Variants in PLCH2 observed in about 807,000 individuals in gnomAD.
PLCH2 encodes the protein 1-phosphatidylinositol 4,5-bisphosphate phosphodiesterase eta-2.
PLCH2 carries 98 observed loss-of-function variants against 134.7 expected under a neutral mutation model. That is an observed-to-expected ratio of 0.73 (90% CI 0.62 to 0.86). The LOEUF (loss-of-function observed/expected upper bound fraction) is 0.86. Ranked by LOEUF, PLCH2 falls within the 40% of genes least tolerant of loss-of-function variation. PLCH2 has a pLI of 0.00. For missense variants in PLCH2, 1,994 were observed against 1,986.6 expected (o/e 1.00, Z -0.07); for synonymous variants, 974 against 827.5 (o/e 1.18, Z -3.04).
At chr1:2,458,905 T>C (rs2100578938) in intron 2 of PLCH2, among the ~76,000 whole-genome samples, 1 of 152,370 alleles carries the variant, frequency 6.6e-6, no homozygotes, top group East Asian at 1.9e-4. Flanking sequence ...CTGTGATGTG[T>C]GCTTGGCCGT....
intron 11 of PLCH2, chr1:2,493,467 A>C (rs1270497102): frequency 2.0e-5 from 3 of 152,276 alleles, no homozygotes; most frequent in Non-Finnish European, 4.4e-5. Flanking sequence ...TCTGAGAGCC[A>C]TGTGGACCTG....
At chr1:2,503,765 G>A (rs1394420378) in intron 21 of PLCH2, 157 bp from the exon 22 acceptor site, 3 of 615,776 alleles carry the variant, frequency 4.9e-6, no homozygotes, top group East Asian at 2.8e-5. Context: ...TGCCGCGCCC[G>A]GGGGATGCCT....
chr1:2,441,146 G>A (rs1304137868), intron 2 of PLCH2, among the ~76,000 whole-genome samples: 1 of 152,202 alleles, frequency 6.6e-6, no homozygotes, highest in Non-Finnish European at 1.5e-5. Context: ...GCAGTGAAAG[G>A]GGTGCTCAGG....
At position 2,481,138 on chromosome 1, in the gene PLCH2, C is replaced by T. The variant is rs532855652; in HGVS notation, c.645+826C>T. ...CATGCTCACAGCCTGACAGCTCCGCCGTGTCCAGCCCCTGCCAGCTCCTGC... is the reference window on the plus strand; with the variant it reads ...CATGCTCACAGCCTGACAGCTCCGCTGTGTCCAGCCCCTGCCAGCTCCTGC... On this transcript the variant is annotated intron_variant, in intron 4 of 21. Transcript: ENST00000378486. 1.4e-4 allele frequency among the ~76,000 whole-genome samples: 21 copies of T among 152,384 alleles called. 1 individual carries two copies. The highest frequency in any genetic ancestry group is 4.6e-4 in the African/African-American group (19 of 41,594).
Position 2,476,500 on chromosome 1 carries a change from C to A in PLCH2, c.-89C>A. The stretch of plus-strand genomic sequence containing the variant: ...AGAGAAGGCCCCACGGAGGTCCTGT[C>A]GCCAGCGCTGCCACTGCCTGACCTC... On this transcript the variant is annotated 5_prime_UTR_variant, in exon 1 of 22. Coordinates refer to ENST00000378486, the MANE Select transcript of PLCH2 (RefSeq NM_014638.4). 7.7e-7 allele frequency: 1 copy of A among 1,291,458 alleles called. No homozygotes were observed. Among genetic ancestry groups the A allele is most frequent in the Non-Finnish European group, 1.0e-6 (1 of 973,812 alleles). 80.0% of individuals were successfully genotyped at this position (1,291,458 alleles called of 1,614,324 possible).
chr1:2,453,938 G>A (rs2100564702), intron 2 of PLCH2, among the ~76,000 whole-genome samples: 1 of 152,232 alleles, frequency 6.6e-6, no homozygotes, highest in Admixed American at 6.5e-5. Context: ...GCAGGCCCCA[G>A]CCAGTGTGGG....
At chr1:2,472,049 C>G (rs1466330524), upstream of PLCH2, among the ~76,000 whole-genome samples, 3 of 152,150 alleles carry the variant, frequency 2.0e-5, no homozygotes, top group South Asian at 2.1e-4. Context: ...GTTCCCCTGC[C>G]CTTGCTGGGA....
In PLCH2 at chr1:2,444,095, G is replaced by A. The variant is rs1009391760; in HGVS notation, c.115+13466G>A. Among the ~76,000 whole-genome samples, 3 of 152,176 alleles carry A rather than the reference G, an allele frequency of 2.0e-5. No individual in the cohort carries two copies. The highest frequency in any genetic ancestry group is 4.4e-5 in the Non-Finnish European group (3 of 68,014). On this transcript the variant is annotated intron_variant, in intron 2 of 3. Coordinates refer to the PLCH2 transcript ENST00000609981. The surrounding 1 kb of genome is among the most constrained non-coding windows in gnomAD (Gnocchi z 4.6). ...CTGGGCTTCAGACTCGGGAGCGGAGGCTCGGATCGCGGTGGCACGGGCAGG... is the reference window on the plus strand; with the variant it reads ...CTGGGCTTCAGACTCGGGAGCGGAGACTCGGATCGCGGTGGCACGGGCAGG...
chr1:2,494,503 G>A (rs143674203), intron 11 of PLCH2: 11 of 379,012 alleles, frequency 2.9e-5, no homozygotes, highest in Middle Eastern at 8.1e-4. Flanking sequence ...GCACACAAAC[G>A]CAGTTATTAC....
intron 4 of PLCH2, among the ~76,000 whole-genome samples, chr1:2,480,757 C>A (rs1303003821): frequency 6.6e-6 from 1 of 152,250 alleles, no homozygotes; most frequent in Admixed American, 6.5e-5. Flanking sequence ...CCTCGCCCAA[C>A]CACCCTGATG....
intron 2 of PLCH2, among the ~76,000 whole-genome samples, chr1:2,431,630 G>A (rs1474741046): frequency 6.6e-6 from 1 of 152,136 alleles, no homozygotes; most frequent in African/African-American, 2.4e-5. Flanking sequence ...CTGGGGGCGG[G>A]AGGAGCCAGC....
intron 2 of PLCH2, among the ~76,000 whole-genome samples, chr1:2,433,170 C>G (rs956545500): frequency 6.6e-6 from 1 of 152,244 alleles, no homozygotes; most frequent in Non-Finnish European, 1.5e-5. Flanking sequence ...TCCTTCCACT[C>G]TTCCCCTTCC....
intron 4 of PLCH2, 87 bp from the exon 5 acceptor site, chr1:2,484,361 A>G: frequency 7.4e-7 from 1 of 1,344,040 alleles, no homozygotes; most frequent in Non-Finnish European, 1.0e-6. Flanking sequence ...GTTGGTCTTG[A>G]CTGGGGAGTG....
Position 2,487,717 on chromosome 1 carries a change from G to C in PLCH2, c.1234G>C (p.Glu412Gln), listed in dbSNP as rs775978425. The change falls in exon 8 of 22, where the codon GAG becomes CAG. Residue 412 changes from glutamate to glutamine, a missense_variant and splice_region_variant. Physicochemically the swap from Glu to Gln is conservative, Grantham distance 29. Coordinates refer to ENST00000378486, the MANE Select transcript of PLCH2 (RefSeq NM_014638.4). ...CAACAAATATGCCTTCATCAAGAAT[G>C]AGTGAGTGGCTGGGCCTAGCGGGGC... ...TINKYAFIKNEYPVILSIENH... is the reference protein window; with the variant it reads ...TINKYAFIKNQYPVILSIENH... 3.1e-6 allele frequency: 5 copies of C among 1,612,908 alleles called. No homozygotes were observed. Among genetic ancestry groups the C allele is most frequent in the Non-Finnish European group, 4.2e-6 (5 of 1,179,668 alleles).
At chr1:2,449,767 G>T (rs932419854) in intron 2 of PLCH2, among the ~76,000 whole-genome samples, 1 of 152,204 alleles carries the variant, frequency 6.6e-6, no homozygotes, top group Non-Finnish European at 1.5e-5. Context: ...TATGTTATGG[G>T]CAGGGCTGTG....
chr1:2,428,786 C>T (rs1638926146), intron 1 of PLCH2, among the ~76,000 whole-genome samples: 1 of 152,256 alleles, frequency 6.6e-6, no homozygotes, highest in African/African-American at 2.4e-5. Flanking sequence ...AGTGCTCATT[C>T]CAGCCGCCTC....
At chr1:2,486,723 G>A (rs1222120127) in intron 5 of PLCH2, among the ~76,000 whole-genome samples, 184 bp from the exon 6 acceptor site, 1 of 152,230 alleles carries the variant, frequency 6.6e-6, no homozygotes, top group Non-Finnish European at 1.5e-5. Flanking sequence ...CATAGTCAGA[G>A]CAAGCCATCC....
chr1:2,438,762 C>G (rs1639551373), intron 2 of PLCH2, among the ~76,000 whole-genome samples: 1 of 152,252 alleles, frequency 6.6e-6, no homozygotes, highest in African/African-American at 2.4e-5. Context: ...GGAGCACCCC[C>G]CGTCCCGCTG....
Position 2,479,774 on chromosome 1 carries a change from G to C in PLCH2, c.312G>C (p.Gln104His). ...TCCAGGAGGTGAGTGAGGGGCGGCA[G>C]TCGGAGGTCTTCCAGCGCTACCCTG... ...DSIQEVSEGR[Q>H]SEVFQRYPDG... The change falls in exon 3 of 22, where the codon CAG (glutamine) becomes CAC (histidine). Residue 104 changes from glutamine (Q) to histidine (H), a missense_variant. By Grantham distance (24) the Gln-to-His change is conservative (BLOSUM62 0). Transcript: ENST00000378486. The C allele has an allele frequency of 6.4e-7, 1 of 1,556,736 alleles. No individual in the cohort carries two copies. The highest frequency in any genetic ancestry group is 8.7e-7 in the Non-Finnish European group (1 of 1,150,266).
Sources: allele counts gnomAD v4.1 joint callset (sites outside exome capture counted in the v4.1 genomes callset), GRCh38; gene constraint gnomAD v4.1.1; non-coding constraint Gnocchi (gnomAD v3.1); transcripts MANE v1.5; gene names NCBI Gene and HGNC (gene_info 2026-07-23, HGNC 2026-07-21).